GIMAP1: variants seen among roughly 807,000 people sequenced by gnomAD.
The protein encoded by GIMAP1 is GTPase, IMAP family member 1.
For missense variants in GIMAP1, 423 were observed against 411.9 expected, an observed-to-expected ratio of 1.03 and a Z score of -0.23; for synonymous variants, 230 against 187.7, an observed-to-expected ratio of 1.23 and a Z score of -1.84.
rs1363822417 is a variant in GIMAP1 at position 150,720,275 on chromosome 7, G to A, written c.271G>A (p.Val91Met). 6.2e-7 allele frequency: 1 copy of A among 1,614,096 alleles called. No homozygotes were observed. Among genetic ancestry groups the A allele is most frequent in the African/African-American group, 1.3e-5 (1 of 74,940 alleles). ...CACTCCGGACATTTTCAGCTCCCAA[G>A]TGTCCAAGACAGATCCTGGCTGTGA... Reference protein sequence around the residue: ...VDTPDIFSSQVSKTDPGCEER... With the variant: ...VDTPDIFSSQMSKTDPGCEER... Residue 91 changes from valine (V) to methionine (M), a missense_variant, in exon 3 of 3, where the codon GTG (valine) becomes ATG (methionine). By Grantham distance (21) the Val-to-Met change is conservative (BLOSUM62 1). Transcript: ENST00000307194. The surrounding 1 kb of genome is among the most constrained non-coding windows in gnomAD (Gnocchi z 4.5).
At position 150,720,518 on chromosome 7, in the gene GIMAP1, C is replaced by G. The variant is rs1417844598; in HGVS notation, c.514C>G (p.Arg172Gly). Reference sequence around the variant, plus strand: ...CGATTACGTGAGCAACACAGAGAACCGGGCCTTGCGCGAGCTGGTGGCCGA... The same window carrying G: ...CGATTACGTGAGCAACACAGAGAACGGGGCCTTGCGCGAGCTGGTGGCCGA... ...LHDYVSNTEN[R>G]ALRELVAECG... is the part of the protein sequence containing the mutation. The change falls in exon 3 of 3, where the codon CGG (arginine) becomes GGG (glycine). Residue 172 changes from arginine to glycine, a missense_variant. Coordinates refer to ENST00000307194, the MANE Select transcript of GIMAP1 (RefSeq NM_130759.4). The surrounding 1 kb of genome is among the most constrained non-coding windows in gnomAD (Gnocchi z 4.5). 2.5e-6 allele frequency: 4 copies of G among 1,601,264 alleles called. No homozygotes were observed. The highest frequency in any genetic ancestry group is 3.4e-6 in the Non-Finnish European group (4 of 1,173,902).
rs1398210263 is a variant in GIMAP1 at position 150,720,947 on chromosome 7, A to C, written c.*22A>C. The C allele has an allele frequency of 6.7e-7, 1 of 1,495,598 alleles. No individual in the cohort carries two copies. Among genetic ancestry groups the C allele is most frequent in the African/African-American group, 1.4e-5 (1 of 70,002 alleles). The allele number at this position is 1,495,598 out of a possible 1,614,324, so 92.6% of individuals were successfully genotyped here. ...CTGACAGCGCAGGTCCTAAAACTGA[A>C]GGCAACTTGGTTAAGGGAGGCTGAA... On this transcript the variant is annotated 3_prime_UTR_variant, in exon 3 of 3. Transcript: ENST00000307194. The surrounding 1 kb of genome is among the most constrained non-coding windows in gnomAD (Gnocchi z 4.5).
chr7:150,719,365 A>G (rs970012261), intron 2 of GIMAP1: 12 of 444,072 alleles, frequency 2.7e-5, no homozygotes, highest in African/African-American at 2.3e-4. Context: ...AGGGGATTAA[A>G]TCATGCACTA....
At position 150,720,968 on chromosome 7, in the gene GIMAP1, C is replaced by T; in HGVS notation, c.*43C>T. On this transcript the variant is annotated 3_prime_UTR_variant, in exon 3 of 3. Transcript: ENST00000307194. This position sits in a 1 kb window ranked among gnomAD's most constrained non-coding sequence, Gnocchi z 4.5. ...CTGAAGGCAACTTGGTTAAGGGAGG[C>T]TGAATTCTTGGAGCTGAAGGGAAAA... 6.9e-7 allele frequency: 1 copy of T among 1,454,168 alleles called. No homozygotes were observed. Among genetic ancestry groups the T allele is most frequent in the Non-Finnish European group, 9.0e-7 (1 of 1,106,524 alleles). The allele number at this position is 1,454,168 out of a possible 1,614,324, so 90.1% of individuals were successfully genotyped here.
chr7:150,720,625 G>C lies in GIMAP1; in HGVS notation c.621G>C (p.Met207Ile). The C allele has an allele frequency of 1.2e-6, 2 of 1,613,164 alleles. No homozygotes were observed. Among genetic ancestry groups the C allele is most frequent in the East Asian group, 4.5e-5 (2 of 44,864 alleles). ...CCCAGGTGGAGCAGCTGCTGGGGAT[G>C]GTCGAGGGCTTGGTGCTGGAGCACA... ...QEAQVEQLLG[M>I]VEGLVLEHKG... Residue 207 changes from methionine (M) to isoleucine (I), a missense_variant, in exon 3 of 3, where the codon ATG becomes ATC. Physicochemically the swap from Met to Ile is conservative, Grantham distance 10. Coordinates refer to ENST00000307194, the MANE Select transcript of GIMAP1 (RefSeq NM_130759.4). This position sits in a 1 kb window ranked among gnomAD's most constrained non-coding sequence, Gnocchi z 4.5.
In GIMAP1 at chr7:150,723,212, A is replaced by T. The variant is rs1797332734; in HGVS notation, c.*2287A>T. The T allele has an allele frequency of 6.6e-6, 1 of 152,142 alleles. No homozygotes were observed. Among genetic ancestry groups the T allele is most frequent in the Non-Finnish European group, 1.5e-5 (1 of 68,010 alleles). The allele number at this position is 152,142 out of a possible 1,614,324, so 9.4% of individuals were successfully genotyped here. On this transcript the variant is annotated 3_prime_UTR_variant, in exon 3 of 3. Transcript: ENST00000307194. The stretch of plus-strand genomic sequence containing the variant: ...GTTTTCTTTTTCAGATACTTTGATT[A>T]TGATCTTTTTTTTTTCATCTTTGTA...
chr7:150,719,941 G>T, intron 2 of GIMAP1, 107 bp from the exon 3 acceptor site: 2 of 1,410,722 alleles, frequency 1.4e-6, no homozygotes, highest in Non-Finnish European at 1.9e-6. Flanking sequence ...GAACGCCCAG[G>T]CGTTCAAATC....
intron 1 of GIMAP1, among the ~76,000 whole-genome samples, chr7:150,717,549 G>A (rs1313461105): frequency 2.0e-5 from 3 of 151,606 alleles, no homozygotes; most frequent in African/African-American, 7.3e-5. Context: ...GTTCAGCTGG[G>A]TCTTACTTTC....
At position 150,720,794 on chromosome 7, in the gene GIMAP1, C is replaced by A. The variant is rs1191316133; in HGVS notation, c.790C>A (p.Leu264Met). The change falls in exon 3 of 3, where the codon CTG (leucine) becomes ATG (methionine). Residue 264 changes from leucine (L) to methionine (M), a missense_variant. Coordinates refer to ENST00000307194, the MANE Select transcript of GIMAP1 (RefSeq NM_130759.4). This position sits in a 1 kb window ranked among gnomAD's most constrained non-coding sequence, Gnocchi z 4.5. ...RPWGAWLSAR[L>M]WKWLKSPRSW... ...ATGGGGCGCCTGGCTGTCGGCCCGG[C>A]TGTGGAAGTGGCTGAAGTCCCCCAG... is the stretch of plus-strand genomic sequence containing the variant. The A allele has an allele frequency of 6.3e-7, 1 of 1,588,302 alleles. No homozygotes were observed. The highest frequency in any genetic ancestry group is 8.6e-7 in the Non-Finnish European group (1 of 1,168,490).
intron 2 of GIMAP1, chr7:150,719,454 A>G (rs1797264138): frequency 5.0e-6 from 1 of 198,680 alleles, no homozygotes; most frequent in African/African-American, 2.3e-5. Context: ...TTAGGCAGCC[A>G]GTTTAAGAGA....
intron 1 of GIMAP1, among the ~76,000 whole-genome samples, chr7:150,717,171 G>A (rs370107991): frequency 8.5e-5 from 13 of 152,254 alleles, no homozygotes; most frequent in African/African-American, 2.9e-4. Flanking sequence ...AGACATCTGA[G>A]ATTAATATCT....
rs71196726 is a variant in GIMAP1, at chr7:150,721,812, GAAAAGA to G, written c.*900_*905del. 2.1e-5 allele frequency: 3 copies of G among 141,054 alleles called. No homozygotes were observed. The highest frequency in any genetic ancestry group is 5.6e-5 in the African/African-American group (2 of 35,782). 8.7% of individuals were successfully genotyped at this position (141,054 alleles called of 1,614,324 possible). A position where few individuals can be genotyped will look rare whatever the true frequency, so the allele number is the denominator to read the frequency against. On this transcript the variant is annotated 3_prime_UTR_variant, in exon 3 of 3. Transcript: ENST00000307194. The stretch of plus-strand genomic sequence containing the variant: ...CTGTCTCAAAAAAAAAAAAAGAAAA[GAAAAGA>G]AAAAGAAAAAGAGTAGGATATTGGG...
chr7:150,718,898 A>G, intron 1 of GIMAP1, 144 bp from the exon 2 acceptor site: 1 of 1,104,850 alleles, frequency 9.1e-7, no homozygotes. Context: ...GATCCTTGCA[A>G]GCAAAAACCA....
intron 1 of GIMAP1, among the ~76,000 whole-genome samples, chr7:150,717,996 G>A (rs893812211): frequency 6.6e-6 from 1 of 152,158 alleles, no homozygotes; most frequent in Non-Finnish European, 1.5e-5. Flanking sequence ...AGGTATCCAA[G>A]TGACCAGGGT....
In GIMAP1 at chr7:150,721,115, A is replaced by G; in HGVS notation, c.*190A>G. The G allele has an allele frequency of 4.0e-6, 2 of 502,976 alleles. No homozygotes were observed. Among genetic ancestry groups the G allele is most frequent in the Non-Finnish European group, 6.8e-6 (2 of 292,974 alleles). 31.2% of individuals were successfully genotyped at this position (502,976 alleles called of 1,614,324 possible). Reference sequence around the variant, plus strand: ...AGTTCACTTTTTAAGTTTTTAACTCATTTTAAATGATGTGTATGCAGAGTT... The same window carrying G: ...AGTTCACTTTTTAAGTTTTTAACTCGTTTTAAATGATGTGTATGCAGAGTT... On this transcript the variant is annotated 3_prime_UTR_variant, in exon 3 of 3. Coordinates refer to ENST00000307194, the MANE Select transcript of GIMAP1 (RefSeq NM_130759.4).
chr7:150,721,338 T>C lies in GIMAP1; in HGVS notation c.*413T>C, dbSNP rs1286981773. 3 of 159,168 alleles carry C rather than the reference T, an allele frequency of 1.9e-5. No homozygotes were observed. The highest frequency in any genetic ancestry group is 7.2e-5 in the African/African-American group (3 of 41,704). 9.9% of individuals were successfully genotyped at this position (159,168 alleles called of 1,614,324 possible). A position where few individuals can be genotyped will look rare whatever the true frequency, so the allele number is the denominator to read the frequency against. Reference sequence around the variant, plus strand: ...GGTAGATAGGTTCCTTTGTGATCCTTGTAGACTTTTAGCATCAATAAAAGA... The same window carrying C: ...GGTAGATAGGTTCCTTTGTGATCCTCGTAGACTTTTAGCATCAATAAAAGA... On this transcript the variant is annotated 3_prime_UTR_variant, in exon 3 of 3. Coordinates refer to ENST00000307194, the MANE Select transcript of GIMAP1 (RefSeq NM_130759.4).
chr7:150,717,147 AG>A (rs1207137826), intron 1 of GIMAP1, among the ~76,000 whole-genome samples: 1 of 152,168 alleles, frequency 6.6e-6, no homozygotes, highest in Non-Finnish European at 1.5e-5. Flanking sequence ...TGTCCACAGA[AG>A]GGGCCCCTGA....
Position 150,720,070 on chromosome 7 carries a change from C to G in GIMAP1, c.66C>G (p.Ser22=). 6.2e-7 allele frequency: 1 copy of G among 1,607,954 alleles called. No individual in the cohort carries two copies. The highest frequency in any genetic ancestry group is 1.1e-5 in the South Asian group (1 of 90,472). Residue 22 remains serine, a synonymous_variant, in exon 3 of 3, where the codon TCC becomes TCG. Transcript: ENST00000307194. This position sits in a 1 kb window ranked among gnomAD's most constrained non-coding sequence, Gnocchi z 4.5. ...CAGGTTTAGAAGAGAACGCTCAGTCCCGGCAGGAGTCCACGCGGAGGCTCA... is the reference window on the plus strand; with the variant it reads ...CAGGTTTAGAAGAGAACGCTCAGTCGCGGCAGGAGTCCACGCGGAGGCTCA... ...NVYGLEENAQ[S]RQESTRRLIL... is the part of the protein sequence containing the mutation.
In GIMAP1 at chr7:150,722,223, G is replaced by C. The variant is rs1033173950; in HGVS notation, c.*1298G>C. The C allele has an allele frequency of 1.8e-4, 27 of 152,326 alleles. No individual in the cohort carries two copies. The highest frequency in any genetic ancestry group is 6.3e-4 in the African/African-American group (26 of 41,466). The allele number at this position is 152,326 out of a possible 1,614,324, so 9.4% of individuals were successfully genotyped here. On this transcript the variant is annotated 3_prime_UTR_variant, in exon 3 of 3. Transcript: ENST00000307194. ...TGAGGTCATGGAGACATGGGAAGCA[G>C]GTATTCACATTAGCTCTATTCAAGA...
Sources: allele counts gnomAD v4.1 joint callset (sites outside exome capture counted in the v4.1 genomes callset), GRCh38; gene constraint gnomAD v4.1.1; non-coding constraint Gnocchi (gnomAD v3.1); transcripts MANE v1.5; gene names NCBI Gene and HGNC (gene_info 2026-07-23, HGNC 2026-07-21).